Variants in DMTF1 observed in about 807,000 individuals in gnomAD.
DMTF1 encodes the protein cyclin D binding myb like transcription factor 1, also known as cyclin-D-binding Myb-like transcription factor 1.
DMTF1 carries 39 observed loss-of-function variants against 91.1 expected under a neutral mutation model. That is an observed-to-expected ratio of 0.43 (90% CI 0.33 to 0.56). The LOEUF (loss-of-function observed/expected upper bound fraction) is 0.56, where lower values mean the gene tolerates loss of function less well. Ranked by LOEUF, DMTF1 falls within the 20% of genes least tolerant of loss-of-function variation. The pLI, the probability that DMTF1 is intolerant of heterozygous loss-of-function variation, is 0.05. For synonymous variants in DMTF1, 338 were observed against 309.5 expected (o/e 1.09, Z -0.97); for missense variants, 750 against 914.5 (o/e 0.82, Z 2.32).
intron 5 of DMTF1, among the ~76,000 whole-genome samples, chr7:87,171,595 G>T (rs939775889): frequency 6.6e-6 from 1 of 152,086 alleles, no homozygotes; most frequent in Non-Finnish European, 1.5e-5. Context: ...CTTTGTGGTT[G>T]CAAGAGGTCT....
intron 4 of DMTF1, among the ~76,000 whole-genome samples, chr7:87,167,614 T>C (rs1458240705): frequency 6.6e-6 from 1 of 152,248 alleles, no homozygotes; most frequent in Non-Finnish European, 1.5e-5. Flanking sequence ...ATATGTACTC[T>C]GAATTTAGAG....
At chr7:87,153,870 A>G (rs1017823537) in intron 1 of DMTF1, among the ~76,000 whole-genome samples, 3 of 152,196 alleles carry the variant, frequency 2.0e-5, no homozygotes, top group Non-Finnish European at 2.9e-5. Context: ...TGTTGAAAGT[A>G]TTGCAAAATC....
intron 4 of DMTF1, among the ~76,000 whole-genome samples, chr7:87,167,766 A>G (rs554750190): frequency 2.1e-4 from 32 of 152,278 alleles, no homozygotes; most frequent in African/African-American, 7.2e-4. Context: ...GATGATTCCT[A>G]TGTTTTTTTA....
At chr7:87,193,159 A>G (rs1263606425) in intron 14 of DMTF1, 39 bp from the exon 15 acceptor site, 5 of 1,607,510 alleles carry the variant, frequency 3.1e-6, no homozygotes, top group East Asian at 4.5e-5. Context: ...ATAAAAGTAG[A>G]CTTAATCATT....
Position 87,193,755 on chromosome 7 carries a change from G to A in DMTF1, c.1681G>A (p.Val561Ile). Residue 561 changes from valine (V) to isoleucine (I), a missense_variant, in exon 16 of 18, where the codon GTT becomes ATT. Physicochemically the swap from Val to Ile is conservative, Grantham distance 29 (BLOSUM62 3). Transcript: ENST00000331242. ...PEHLLNTSDN[V>I]TVQCHTPRVI... The stretch of plus-strand genomic sequence containing the variant: ...ACATTTGTTGAACACAAGTGATAAT[G>A]TTACAGTGCAGTGTCACACACCAAG... 1 of 1,608,422 alleles carries A rather than the reference G, an allele frequency of 6.2e-7. No homozygotes were observed. Among genetic ancestry groups the A allele is most frequent in the Non-Finnish European group, 8.5e-7 (1 of 1,177,722 alleles).
chr7:87,193,116 G>T (rs888647493), intron 14 of DMTF1, 82 bp from the exon 15 acceptor site: 2 of 1,448,526 alleles, frequency 1.4e-6, no homozygotes, highest in African/African-American at 2.8e-5. Flanking sequence ...GTACATTTGT[G>T]TCTAGTAAAC....
chr7:87,181,418 AAG>A (rs1797363761), intron 9 of DMTF1, 77 bp downstream of exon 9: 2 of 748,924 alleles, frequency 2.7e-6, no homozygotes, highest in African/African-American at 1.8e-5. Flanking sequence ...TGAAAATTTC[AAG>A]AGGTTTTTGG....
rs566832117 is a variant in DMTF1, at chr7:87,173,015, T to C, written c.328-520T>C. On this transcript the variant is annotated intron_variant, in intron 5 of 17. Transcript: ENST00000331242. ...ACAGTGATTTTGCAATAATGACTTA[T>C]GATTGTGCCTGTTAATATTTTAAGT... Among the ~76,000 whole-genome samples the C allele has an allele frequency of 1.1e-4, 16 of 152,380 alleles. 1 individual carries two copies. Among genetic ancestry groups the C allele is most frequent in the South Asian group, 2.1e-4 (1 of 4,830 alleles).
rs574318056 is a variant in DMTF1, at chr7:87,162,880, A to C, written c.-131-615A>C. 4.0e-5 allele frequency: 6 copies of C among 151,008 alleles called. No homozygotes were observed. In the South Asian group the frequency reaches 1.3e-3, roughly 32 times the overall value. 9.4% of individuals were successfully genotyped at this position (151,008 alleles called of 1,614,324 possible). A position where few individuals can be genotyped will look rare whatever the true frequency, so the allele number is the denominator to read the frequency against. On this transcript the variant is annotated intron_variant, in intron 1 of 17. Transcript: ENST00000331242. The stretch of plus-strand genomic sequence containing the variant: ...AAAGATGAGAAGCTTATTGAAAGAA[A>C]CCTTTAAAAACCATTTCATATTTCA...
rs1361409323 is a variant in DMTF1, at chr7:87,195,787, CA to C, written c.*651del. On this transcript the variant is annotated 3_prime_UTR_variant, in exon 18 of 18. Transcript: ENST00000331242. ...AAGGGAATATGGATAAGCATAGTAA[CA>C]AAACCCACCAGAATCTAAGCAGTTT... is the stretch of plus-strand genomic sequence containing the variant. The C allele has an allele frequency of 6.6e-6, 1 of 152,452 alleles. No individual in the cohort carries two copies. Among genetic ancestry groups the C allele is most frequent in the Non-Finnish European group, 1.5e-5 (1 of 67,966 alleles). The allele number at this position is 152,452 out of a possible 1,614,324, so 9.4% of individuals were successfully genotyped here.
rs1800868402 is a variant in DMTF1, at chr7:87,194,788, TATAG to T, written c.2137_2140del (p.Asp713LeufsTer7). The T allele has an allele frequency of 1.9e-6, 3 of 1,612,134 alleles. No individual in the cohort carries two copies. The highest frequency in any genetic ancestry group is 2.5e-6 in the Non-Finnish European group (3 of 1,178,904). ...ATGGCTTTATCCAGGCATCTGATGT[TATAG>T]ATACTGAATCTGTCTTGCCTTTGAC... On this transcript the variant is annotated frameshift_variant, in exon 17 of 18. Transcript: ENST00000331242. LOFTEE classifies it high-confidence loss of function.
In DMTF1 at chr7:87,184,536, A is replaced by G. The variant is rs769479529; in HGVS notation, c.960A>G (p.Gln320=). ...AERVGTRSEK[Q]CRSKWLNYLN... is the part of the protein sequence containing the mutation. ...GAGTCGGTACCCGCTCAGAAAAGCA[A>G]TGTCGTTCTAAATGGCTCAACTACC... Residue 320 remains glutamine (Q), a synonymous_variant, in exon 11 of 18, where the codon CAA becomes CAG. Transcript: ENST00000331242. The G allele has an allele frequency of 4.2e-5, 67 of 1,613,950 alleles. No individual in the cohort carries two copies. The highest frequency in any genetic ancestry group is 1.3e-5 in the African/African-American group (1 of 74,936).
At chr7:87,163,129 T>C (rs1792914643) in intron 1 of DMTF1, 2 of 151,990 alleles carry the variant, frequency 1.3e-5, no homozygotes, top group Admixed American at 6.5e-5. Flanking sequence ...ACTAATAATA[T>C]TTATGGTGCT....
At chr7:87,154,470 C>T (rs547840275) in intron 1 of DMTF1, 2 of 152,634 alleles carry the variant, frequency 1.3e-5, no homozygotes, top group Non-Finnish European at 1.5e-5. Context: ...TAATTGGTTG[C>T]AGTTGAGCTA....
At chr7:87,184,895 A>G (rs988676389) in intron 11 of DMTF1, 2 of 558,384 alleles carry the variant, frequency 3.6e-6, no homozygotes, top group Non-Finnish European at 6.8e-6. Flanking sequence ...CAGAACAGGT[A>G]TGGCACAGGC....
In DMTF1 at chr7:87,174,575, A is replaced by T. The variant is rs1795838481; in HGVS notation, c.443-18A>T. 1 of 1,539,556 alleles carries T rather than the reference A, an allele frequency of 6.5e-7. No homozygotes were observed. Among genetic ancestry groups the T allele is most frequent in the Non-Finnish European group, 8.9e-7 (1 of 1,122,554 alleles). On this transcript the variant is annotated intron_variant, in intron 6 of 17. Coordinates refer to ENST00000331242, the MANE Select transcript of DMTF1 (RefSeq NM_001142327.2). ...AAGGAGTAACATTTTTTATAACATT[A>T]CTTGTTTTCTTTTAAAGGACATAAA...
chr7:87,175,624 A>G (rs180791063), intron 7 of DMTF1, among the ~76,000 whole-genome samples: 1 of 152,332 alleles, frequency 6.6e-6, no homozygotes, highest in Non-Finnish European at 1.5e-5. Context: ...TACAGAAAGA[A>G]GAGTTTTTAG....
chr7:87,159,696 G>T (rs1791746070), intron 1 of DMTF1, among the ~76,000 whole-genome samples: 1 of 152,204 alleles, frequency 6.6e-6, no homozygotes, highest in South Asian at 2.1e-4. Flanking sequence ...GAGCTGATGT[G>T]CAGTCATGTG....
intron 1 of DMTF1, among the ~76,000 whole-genome samples, chr7:87,161,462 A>G (rs1792370866): frequency 6.6e-6 from 1 of 152,232 alleles, no homozygotes; most frequent in African/African-American, 2.4e-5. Context: ...AGATCGTGCC[A>G]CTGCACTACA....
Sources: gnomAD v4.1 joint callset for allele counts (sites outside exome capture counted in the v4.1 genomes callset) on GRCh38, gnomAD v4.1.1 for gene constraint, MANE v1.5 for transcripts, NCBI Gene and HGNC (gene_info 2026-07-23, HGNC 2026-07-21) for gene names.